Variants in TNS1 observed in about 807,000 individuals in gnomAD.
TNS1 encodes tensin-1.
Under a neutral mutation model 168.6 loss-of-function variants are expected in TNS1, and 62 were observed. The ratio of observed to expected loss-of-function variants is 0.37; its 90% confidence interval spans 0.30 to 0.45. TNS1 has a LOEUF of 0.45. TNS1 is among the 20% of genes least tolerant of loss of function. The pLI is 1.00. For missense variants in TNS1, 2,240 were observed against 2,339.4 expected (o/e 0.96, Z 0.88); for synonymous variants, 934 against 933.2 (o/e 1.00, Z -0.02).
At chr2:218,031,297 G>A (rs1169551056) in intron 1 of TNS1, among the ~76,000 whole-genome samples, 1 of 136,718 alleles carries the variant, frequency 7.3e-6, no homozygotes, top group Non-Finnish European at 1.5e-5. Flanking sequence ...GTGTGTGAGT[G>A]TGTCTTTGTG....
Position 218,032,614 on chromosome 2 carries a change from G to A in TNS1, c.156+1206C>T, listed in dbSNP as rs1958906705. Among the ~76,000 whole-genome samples the A allele has an allele frequency of 6.6e-6, 1 of 152,142 alleles. No individual in the cohort carries two copies. The highest frequency in any genetic ancestry group is 1.5e-5 in the Non-Finnish European group (1 of 67,992). Reference sequence around the variant, plus strand: ...TGACTCTTGGCTTTTGAGGGGATCAGCACCCAGGAGATGTTTATCTGCCCC... The same window carrying A: ...TGACTCTTGGCTTTTGAGGGGATCAACACCCAGGAGATGTTTATCTGCCCC... On this transcript the variant is annotated intron_variant, in intron 1 of 1. Coordinates refer to the TNS1 transcript ENST00000649572. This position sits in a 1 kb window ranked among gnomAD's most constrained non-coding sequence, Gnocchi z 4.0.
At chr2:217,834,327 CT>C (rs1944874487) in intron 21 of TNS1, among the ~76,000 whole-genome samples, 2 of 152,374 alleles carry the variant, frequency 1.3e-5, no homozygotes, top group South Asian at 4.1e-4. Flanking sequence ...AACCTGATCC[CT>C]GAACAGCACC....
intron 18 of TNS1, among the ~76,000 whole-genome samples, chr2:217,866,321 GA>G (rs780165268): frequency 6.6e-6 from 1 of 152,304 alleles, no homozygotes; most frequent in African/African-American, 2.4e-5. Context: ...TTTGGATCTG[GA>G]TCCTCAAGGA....
intron 5 of TNS1, 80 bp downstream of exon 5, chr2:217,907,130 C>T: frequency 1.4e-6 from 1 of 693,520 alleles, no homozygotes. Flanking sequence ...CACTCTCCCC[C>T]AAATCCACTC....
intron 3 of TNS1, among the ~76,000 whole-genome samples, chr2:217,951,457 T>C (rs551961686): frequency 6.6e-6 from 1 of 152,338 alleles, no homozygotes; most frequent in South Asian, 2.1e-4. Flanking sequence ...CCATTGGGTA[T>C]TGACCTTTAT....
intron 18 of TNS1, among the ~76,000 whole-genome samples, chr2:217,873,143 AT>A (rs1355760822): frequency 6.6e-6 from 1 of 152,176 alleles, no homozygotes; most frequent in Non-Finnish European, 1.5e-5. Flanking sequence ...ACTAAAACCC[AT>A]TGAATTGTAT....
At chr2:217,945,266 A>G (rs931266203) in intron 3 of TNS1, among the ~76,000 whole-genome samples, 5 of 152,170 alleles carry the variant, frequency 3.3e-5, no homozygotes, top group African/African-American at 9.7e-5. Context: ...AACACACACT[A>G]ATTTTATTAA....
chr2:218,000,560 C>A (rs1958543922), intron 1 of TNS1, among the ~76,000 whole-genome samples: 1 of 152,238 alleles, frequency 6.6e-6, no homozygotes, highest in Non-Finnish European at 1.5e-5. Context: ...CTTTTGATAT[C>A]TATTGTCTCT....
chr2:217,846,760 C>T (rs1208844918), intron 19 of TNS1, among the ~76,000 whole-genome samples: 11 of 152,248 alleles, frequency 7.2e-5, no homozygotes, highest in Admixed American at 2.6e-4. Flanking sequence ...AAAAGCTCTT[C>T]TGAGTGTCCC....
chr2:217,922,168 C>A (rs74467849), intron 3 of TNS1, among the ~76,000 whole-genome samples: 5,284 of 152,174 alleles, frequency 0.035, 313 homozygotes, highest in African/African-American at 0.12. Context: ...ACAGACTGGG[C>A]GGGAAGGGGA....
At chr2:217,923,063 A>G (rs905621314) in intron 3 of TNS1, among the ~76,000 whole-genome samples, 2 of 152,022 alleles carry the variant, frequency 1.3e-5, no homozygotes, top group African/African-American at 4.8e-5. Context: ...CTGCCACTCT[A>G]TGGCCCATGC....
At chr2:217,861,184 A>T (rs1948746863) in intron 18 of TNS1, among the ~76,000 whole-genome samples, 1 of 152,188 alleles carries the variant, frequency 6.6e-6, no homozygotes, top group Non-Finnish European at 1.5e-5. Flanking sequence ...TTAGCTCAAC[A>T]TAGGAAAAAA....
Position 217,804,296 on chromosome 2 carries a change from C to A in TNS1, c.*163G>T. Reference sequence around the variant, plus strand: ...TCTCTCTCTCTCTCTCTCTTTTCCCCCTCCCCTCTGCAATTCACTTCCCTC... The same window carrying A: ...TCTCTCTCTCTCTCTCTCTTTTCCCACTCCCCTCTGCAATTCACTTCCCTC... On this transcript the variant is annotated 3_prime_UTR_variant, in exon 33 of 33. Transcript: ENST00000682258. 1.5e-6 allele frequency: 1 copy of A among 659,434 alleles called. No individual in the cohort carries two copies. The highest frequency in any genetic ancestry group is 2.5e-6 in the Non-Finnish European group (1 of 392,336). 40.8% of individuals were successfully genotyped at this position (659,434 alleles called of 1,614,324 possible).
chr2:217,984,584 GCTCAA>G (rs1958143393), intron 2 of TNS1, among the ~76,000 whole-genome samples: 1 of 151,788 alleles, frequency 6.6e-6, no homozygotes, highest in African/African-American at 2.4e-5. Flanking sequence ...ACCTCCCCAG[GCTCAA>G]GTGATCCTCC....
intron 32 of TNS1, 50 bp from the exon 33 acceptor site, chr2:217,804,653 C>G: frequency 6.2e-7 from 1 of 1,607,778 alleles, no homozygotes; most frequent in Non-Finnish European, 8.5e-7. Context: ...AGTGGAACCC[C>G]AGGAGGTGGA....
At chr2:217,926,913 A>G (rs1956056468) in intron 3 of TNS1, among the ~76,000 whole-genome samples, 1 of 152,228 alleles carries the variant, frequency 6.6e-6, no homozygotes, top group Admixed American at 6.5e-5. Context: ...CTGCCTCTAC[A>G]GTGGGACAGG....
At position 217,899,485 on chromosome 2, in the gene TNS1, G is replaced by GC. The variant is rs545603544; in HGVS notation, c.371+977dup. Among the ~76,000 whole-genome samples the GC allele has an allele frequency of 1.3e-3, 201 of 152,274 alleles. 3 individuals carry two copies. Among genetic ancestry groups the GC allele is most frequent in the African/African-American group, 4.7e-3 (194 of 41,530 alleles). On this transcript the variant is annotated intron_variant, in intron 7 of 32. Coordinates refer to ENST00000682258, the MANE Select transcript of TNS1 (RefSeq NM_001387777.1). ...GGCGGGGAGCCTCAGCTAACTTGCA[G>GC]CATCCCCTCCTCCCCATCCTCCAAA...
At chr2:217,997,803 C>T (rs1958498091) in intron 1 of TNS1, among the ~76,000 whole-genome samples, 1 of 152,240 alleles carries the variant, frequency 6.6e-6, no homozygotes, top group African/African-American at 2.4e-5. Context: ...GAGCGCTCAG[C>T]AGCGGTGAGC....
rs1958086861 is a variant in TNS1 at position 217,982,744 on chromosome 2, G to A, written c.149-3942C>T. On this transcript the variant is annotated intron_variant, in intron 2 of 32. Coordinates refer to ENST00000682258, the MANE Select transcript of TNS1 (RefSeq NM_001387777.1). ...ACTAAGTTTACGGGTAATTTTTTATGCAGTACTAGATCACTGATACCAGAA... is the reference window on the plus strand; with the variant it reads ...ACTAAGTTTACGGGTAATTTTTTATACAGTACTAGATCACTGATACCAGAA... Among the ~76,000 whole-genome samples the A allele has an allele frequency of 2.0e-5, 3 of 152,204 alleles. No homozygotes were observed. In the South Asian group the frequency reaches 6.2e-4, roughly 32 times the overall value.
Sources: gnomAD v4.1 joint callset for allele counts (sites outside exome capture counted in the v4.1 genomes callset) on GRCh38, gnomAD v4.1.1 for gene constraint, Gnocchi (gnomAD v3.1) non-coding constraint, MANE v1.5 for transcripts, NCBI Gene and HGNC (gene_info 2026-07-23, HGNC 2026-07-21) for gene names.